Variants in MAGI2 observed in about 807,000 individuals in gnomAD.
MAGI2 encodes the protein membrane associated guanylate kinase, WW and PDZ domain containing 2.
Under a neutral mutation model 133.3 loss-of-function variants are expected in MAGI2, and 35 were observed. That is an observed-to-expected ratio of 0.26 (90% CI 0.20 to 0.35). The LOEUF (loss-of-function observed/expected upper bound fraction) is 0.35. Ranked by LOEUF, MAGI2 falls within the 10% of genes least tolerant of loss-of-function variation. The pLI is 1.00. For synonymous variants in MAGI2, 729 were observed against 710.6 expected (o/e 1.03, Z -0.41); for missense variants, 1,636 against 1,863.4 (o/e 0.88, Z 2.25).
chr7:78,760,986 A>G (rs970802837), intron 2 of MAGI2, among the ~76,000 whole-genome samples: 1 of 152,192 alleles, frequency 6.6e-6, no homozygotes, highest in Admixed American at 6.5e-5. Flanking sequence ...ATAGGAGATA[A>G]TTTCTCATCC....
intron 1 of MAGI2, among the ~76,000 whole-genome samples, chr7:79,425,563 C>T (rs1043783750): frequency 8.8e-6 from 1 of 114,066 alleles, no homozygotes; most frequent in African/African-American, 4.1e-5. Flanking sequence ...AACTGTTTTG[C>T]AGAAAATAAG....
At chr7:78,560,000 T>C (rs774320054) in intron 3 of MAGI2, among the ~76,000 whole-genome samples, 2 of 151,938 alleles carry the variant, frequency 1.3e-5, no homozygotes, top group Non-Finnish European at 2.9e-5. Flanking sequence ...CATGGGGACT[T>C]ACAGACAAAA....
chr7:78,839,822 T>G (rs1026519128), intron 2 of MAGI2, among the ~76,000 whole-genome samples: 6 of 152,088 alleles, frequency 3.9e-5, no homozygotes, highest in African/African-American at 1.4e-4. Context: ...CAATTAACTG[T>G]TCACTCATAA....
chr7:78,736,122 T>C (rs1821825749), intron 2 of MAGI2, among the ~76,000 whole-genome samples: 1 of 152,184 alleles, frequency 6.6e-6, no homozygotes, highest in South Asian at 2.1e-4. Context: ...CCATCTCACA[T>C]AACCAATGAA....
chr7:78,392,719 C>T (rs1005366466), intron 6 of MAGI2, among the ~76,000 whole-genome samples: 1 of 152,210 alleles, frequency 6.6e-6, no homozygotes, highest in African/African-American at 2.4e-5. Context: ...TCTTGGCTCA[C>T]TGCAACCTCC....
At chr7:78,977,069 T>C (rs896280885) in intron 2 of MAGI2, among the ~76,000 whole-genome samples, 1 of 151,686 alleles carries the variant, frequency 6.6e-6, no homozygotes, top group African/African-American at 2.4e-5. Flanking sequence ...AGCAAGCTAT[T>C]TTGTAGATAT....
In MAGI2 at chr7:78,489,813, C is replaced by A. The variant is rs1486510568; in HGVS notation, c.993G>T (p.Leu331=). Residue 331 remains leucine, a synonymous_variant, in exon 6 of 22, where the codon CTG becomes CTT. Coordinates refer to ENST00000354212, the MANE Select transcript of MAGI2 (RefSeq NM_012301.4). ...TAGCCTTTTTCGCAAGTCGTGGATC[C>A]AGCCATGATGTTGTCTTTGTGTTAT... is the stretch of plus-strand genomic sequence containing the variant. ...IDHNTKTTSW[L]DPRLAKKAKP... 2.5e-6 allele frequency: 4 copies of A among 1,612,716 alleles called. No homozygotes were observed. Among genetic ancestry groups the A allele is most frequent in the Non-Finnish European group, 3.4e-6 (4 of 1,179,244 alleles).
intron 10 of MAGI2, among the ~76,000 whole-genome samples, chr7:78,235,164 A>G (rs1790397505): frequency 6.6e-6 from 1 of 152,156 alleles, no homozygotes; most frequent in Admixed American, 6.5e-5. Context: ...AGTAAATTTG[A>G]CCATCCTCCT....
At chr7:79,084,157 G>A (rs1001529714) in intron 1 of MAGI2, among the ~76,000 whole-genome samples, 1 of 151,316 alleles carries the variant, frequency 6.6e-6, no homozygotes, top group Non-Finnish European at 1.5e-5. Flanking sequence ...TTACTTATTT[G>A]CACTCTAATG....
At chr7:79,005,961 G>A (rs529754035) in intron 2 of MAGI2, among the ~76,000 whole-genome samples, 263 of 152,218 alleles carry the variant, frequency 1.7e-3, no homozygotes, top group African/African-American at 5.9e-3. Flanking sequence ...AGGAAGATTT[G>A]ATAATGGTGT....
intron 6 of MAGI2, among the ~76,000 whole-genome samples, chr7:78,391,031 T>A (rs1209094752): frequency 6.6e-6 from 1 of 152,192 alleles, no homozygotes. Context: ...ATTCCTAAAG[T>A]TCTAAATAGC....
At chr7:78,772,139 TCTC>T (rs1825642808) in intron 2 of MAGI2, among the ~76,000 whole-genome samples, 1 of 152,140 alleles carries the variant, frequency 6.6e-6, no homozygotes, top group African/African-American at 2.4e-5. Context: ...GACACCATCT[TCTC>T]CTCTGCTGCA....
intron 1 of MAGI2, among the ~76,000 whole-genome samples, chr7:79,422,768 G>T (rs1204268410): frequency 6.6e-6 from 1 of 151,928 alleles, no homozygotes; most frequent in Admixed American, 6.6e-5. Flanking sequence ...AACACAGCCC[G>T]ACTCTGGGAA....
At chr7:79,250,882 C>A (rs1833195804) in intron 1 of MAGI2, among the ~76,000 whole-genome samples, 1 of 152,056 alleles carries the variant, frequency 6.6e-6, no homozygotes, top group Admixed American at 6.6e-5. Flanking sequence ...GTGGTACTGG[C>A]ATAAAAACAG....
At chr7:78,459,725 C>A (rs934777935) in intron 6 of MAGI2, among the ~76,000 whole-genome samples, 2 of 152,180 alleles carry the variant, frequency 1.3e-5, no homozygotes, top group African/African-American at 4.8e-5. Context: ...CATTTTAAAT[C>A]TAATATTTCA....
chr7:78,871,291 C>G (rs1035419710), intron 2 of MAGI2, among the ~76,000 whole-genome samples: 4 of 151,934 alleles, frequency 2.6e-5, no homozygotes, highest in Admixed American at 6.6e-5. Context: ...GCCTGGGGGA[C>G]AGAGCGAGAC....
intron 1 of MAGI2, among the ~76,000 whole-genome samples, chr7:79,439,337 C>A (rs1418302243): frequency 6.6e-6 from 1 of 152,098 alleles, no homozygotes; most frequent in South Asian, 2.1e-4. Flanking sequence ...ATTCTAATAA[C>A]CACCCTCTAA....
intron 10 of MAGI2, among the ~76,000 whole-genome samples, chr7:78,226,837 C>A (rs994538543): frequency 2.0e-5 from 3 of 152,188 alleles, no homozygotes; most frequent in Non-Finnish European, 1.5e-5. Context: ...ACACTTTTAA[C>A]AGAACTAGAG....
At chr7:79,445,486 C>A (rs1412625887) in intron 1 of MAGI2, among the ~76,000 whole-genome samples, 1 of 152,034 alleles carries the variant, frequency 6.6e-6, no homozygotes, top group Non-Finnish European at 1.5e-5. Context: ...ACAAACAACC[C>A]CATTAAAAAG....
Sources: allele counts gnomAD v4.1 joint callset (sites outside exome capture counted in the v4.1 genomes callset), GRCh38; gene constraint gnomAD v4.1.1; transcripts MANE v1.5; gene names NCBI Gene and HGNC (gene_info 2026-07-23, HGNC 2026-07-21).